The following TANC1 variants were observed in gnomAD, a reference collection of about 807,000 sequenced individuals.
TANC1 encodes the protein tetratricopeptide repeat, ankyrin repeat and coiled-coil containing 1, also known as protein TANC1.
In TANC1, 77 loss-of-function variants were observed where a neutral mutation model predicts 149.7. The observed-to-expected ratio is 0.51, with a 90% CI of 0.43 to 0.62. The LOEUF (loss-of-function observed/expected upper bound fraction) is 0.62, where lower values mean the gene tolerates loss of function less well. Among genes scored for constraint, TANC1 ranks in the 20% least tolerant of loss-of-function variants. The pLI, the probability that TANC1 is intolerant of heterozygous loss-of-function variation, is 0.00. For missense variants in TANC1, 1,985 were observed against 2,321.8 expected (o/e 0.85, Z 2.98); for synonymous variants, 854 against 925.0 (o/e 0.92, Z 1.39).
chr2:159,067,364 C>T (rs992671140), intron 3 of TANC1, among the ~76,000 whole-genome samples: 16 of 152,156 alleles, frequency 1.1e-4, no homozygotes, highest in African/African-American at 3.6e-4. Flanking sequence ...CCTGGGTGAG[C>T]AGACACCAAA....
intron 4 of TANC1, among the ~76,000 whole-genome samples, chr2:159,123,693 G>A (rs2049091562): frequency 6.6e-6 from 1 of 152,180 alleles, no homozygotes; most frequent in Admixed American, 6.5e-5. Context: ...TTAAAAAGCA[G>A]AAATAAACTT....
intron 19 of TANC1, among the ~76,000 whole-genome samples, chr2:159,203,209 CTTTTT>C (rs56319016): frequency 1.1e-4 from 11 of 101,664 alleles, no homozygotes; most frequent in South Asian, 2.7e-4. Flanking sequence ...CTTTTCTTTT[CTTTTT>C]TTTTTTTTTT....
rs369595030 is a variant in TANC1 at position 159,149,164 on chromosome 2, G to T, written c.387G>T (p.Pro129=). ...CAGAAGCAAAGGCCGATAATGAACC[G>T]AGCTGTTCGCCGGCAGCTCAAGAAC... ...DEHEAKADNE[P]SCSPAAQELL... The change falls in exon 6 of 27, where the codon CCG becomes CCT. Residue 129 remains proline (P), a synonymous_variant. Coordinates refer to ENST00000263635, the MANE Select transcript of TANC1 (RefSeq NM_033394.3). 1.4e-5 allele frequency: 23 copies of T among 1,607,836 alleles called. No homozygotes were observed. The African/African-American group carries it at 2.7e-4, about 19-fold the overall frequency.
chr2:158,969,681 C>T (rs1274814718), intron 1 of TANC1, among the ~76,000 whole-genome samples: 3 of 152,236 alleles, frequency 2.0e-5, no homozygotes, highest in South Asian at 2.1e-4. Flanking sequence ...GGTGTGTTTG[C>T]AGACAGAAAG....
In TANC1 at chr2:159,219,975, AGAGTGTGTGT is replaced by A. The variant is rs1182728243; in HGVS notation, c.3678+110_3678+119del. On this transcript the variant is annotated intron_variant, in intron 22 of 26. Transcript: ENST00000263635. ...TGAGGTTGTGTCTCAGTGTCATCAG[AGAGTGTGTGT>A]GTGTGTGTGTGTGTGTGTGTGTGTG... The A allele has an allele frequency of 1.9e-4, 143 of 748,100 alleles. 2 individuals are homozygous for A. Among genetic ancestry groups the A allele is most frequent in the East Asian group, 5.2e-4 (17 of 32,536 alleles). The allele number at this position is 748,100 out of a possible 1,614,324, so 46.3% of individuals were successfully genotyped here.
rs1177616573 is a variant in TANC1, at chr2:159,216,373, G to A, written c.3245-1124G>A. Among the ~76,000 whole-genome samples the A allele has an allele frequency of 2.0e-5, 3 of 152,288 alleles. 1 individual carries two copies. Among genetic ancestry groups the A allele is most frequent in the South Asian group, 4.1e-4 (2 of 4,834 alleles). ...ATCCCAGGCACGTGCTGGGAATAGA[G>A]CCAGGGTGCTGTGCTCCATCTCCTT... On this transcript the variant is annotated intron_variant, in intron 19 of 26. Coordinates refer to ENST00000263635, the MANE Select transcript of TANC1 (RefSeq NM_033394.3).
At chr2:159,141,705 C>T (rs2051388294) in intron 5 of TANC1, among the ~76,000 whole-genome samples, 1 of 152,158 alleles carries the variant, frequency 6.6e-6, no homozygotes, top group East Asian at 1.9e-4. Context: ...GGAAGTAATG[C>T]TGTGAGACTA....
In TANC1 at chr2:159,224,375, A is replaced by G. The variant is rs754072830; in HGVS notation, c.3811+11A>G. Reference sequence around the variant, plus strand: ...AGGGAGCCAAGTTAGGTCAGTGAGCACTGCCTCCATTGAGCAGGAGGAGCG... The same window carrying G: ...AGGGAGCCAAGTTAGGTCAGTGAGCGCTGCCTCCATTGAGCAGGAGGAGCG... On this transcript the variant is annotated intron_variant, in intron 23 of 26. Coordinates refer to ENST00000263635, the MANE Select transcript of TANC1 (RefSeq NM_033394.3). 1.3e-5 allele frequency: 21 copies of G among 1,614,062 alleles called. No homozygotes were observed. Among genetic ancestry groups the G allele is most frequent in the Non-Finnish European group, 1.8e-5 (21 of 1,180,010 alleles).
chr2:159,221,625 ATGTCCTTCAGCTT>A (rs2059713577), intron 22 of TANC1, among the ~76,000 whole-genome samples: 1 of 152,186 alleles, frequency 6.6e-6, no homozygotes, highest in Non-Finnish European at 1.5e-5. Flanking sequence ...CTTAGCCATA[ATGTCCTTCAGCTT>A]CATCCATGTT....
chr2:158,988,924 C>T (rs1488492298), intron 1 of TANC1, among the ~76,000 whole-genome samples: 6 of 152,218 alleles, frequency 3.9e-5, no homozygotes, highest in South Asian at 4.2e-4. Flanking sequence ...TTTCCTGGGG[C>T]GACTGTATCT....
At chr2:159,228,500 T>C (rs975987165) in intron 25 of TANC1, 12 of 371,464 alleles carry the variant, frequency 3.2e-5, no homozygotes, top group Non-Finnish European at 5.9e-5. Context: ...CCGGAATAGA[T>C]GCAGTGTCTG....
chr2:159,208,841 A>G (rs2058799237), intron 19 of TANC1, among the ~76,000 whole-genome samples: 1 of 152,140 alleles, frequency 6.6e-6, no homozygotes. Context: ...TTGCGTGAAA[A>G]TCCTCCAGTG....
In TANC1 at chr2:159,096,293, A is replaced by ATTTT. The variant is rs35914993; in HGVS notation, c.62-1329_62-1326dup. Among the ~76,000 whole-genome samples the ATTTT allele has an allele frequency of 8.1e-3, 1,053 of 130,710 alleles. 13 individuals are homozygous for ATTTT. Among genetic ancestry groups the ATTTT allele is most frequent in the South Asian group, 0.03 (124 of 4,066 alleles). 85.8% of individuals were successfully genotyped at this position (130,710 alleles called of 152,430 possible). On this transcript the variant is annotated intron_variant, in intron 3 of 26. Coordinates refer to ENST00000263635, the MANE Select transcript of TANC1 (RefSeq NM_033394.3). ...ATCTGAATACATGAGGACTGGCTGT[A>ATTTT]TTTTTTTTTTTTTTTTTTGGGAGAC...
chr2:159,162,101 A>G (rs1033703736), intron 7 of TANC1, among the ~76,000 whole-genome samples: 1 of 152,328 alleles, frequency 6.6e-6, no homozygotes, highest in East Asian at 1.9e-4. Flanking sequence ...GGCCACTGCA[A>G]GGAAATAGTT....
At chr2:159,011,224 A>G (rs889891153) in intron 2 of TANC1, among the ~76,000 whole-genome samples, 2 of 152,216 alleles carry the variant, frequency 1.3e-5, no homozygotes, top group African/African-American at 4.8e-5. Flanking sequence ...AGTCATTGTA[A>G]GGTTTACATG....
At chr2:159,216,188 T>C (rs536437792) in intron 19 of TANC1, among the ~76,000 whole-genome samples, 5 of 152,322 alleles carry the variant, frequency 3.3e-5, no homozygotes, top group South Asian at 2.1e-4. Context: ...GTGCTCTTCA[T>C]AGGCTCCCTG....
chr2:158,996,191 A>G (rs1378400030), intron 1 of TANC1, among the ~76,000 whole-genome samples: 1 of 152,148 alleles, frequency 6.6e-6, no homozygotes, highest in Non-Finnish European at 1.5e-5. Context: ...CAAGTCTGCA[A>G]AAAATACTAA....
intron 4 of TANC1, among the ~76,000 whole-genome samples, chr2:159,124,323 G>C (rs900449799): frequency 6.6e-6 from 1 of 152,128 alleles, no homozygotes; most frequent in African/African-American, 2.4e-5. Flanking sequence ...CATCCTGGGC[G>C]ACGGAACGAG....
At chr2:159,222,376 G>C (rs2059761408) in intron 22 of TANC1, among the ~76,000 whole-genome samples, 1 of 152,166 alleles carries the variant, frequency 6.6e-6, no homozygotes, top group Non-Finnish European at 1.5e-5. Context: ...AGGTGAAACT[G>C]TATTTGTTAA....
Sources: allele counts gnomAD v4.1 joint callset (sites outside exome capture counted in the v4.1 genomes callset), GRCh38; gene constraint gnomAD v4.1.1; transcripts MANE v1.5; gene names NCBI Gene and HGNC (gene_info 2026-07-23, HGNC 2026-07-21).